Variants in AEBP2 observed in about 807,000 individuals in gnomAD.
AEBP2 encodes zinc finger protein AEBP2.
Under a neutral mutation model 50.8 loss-of-function variants are expected in AEBP2, and 10 were observed. The observed-to-expected ratio is 0.20, with a 90% confidence interval of 0.12 to 0.33. The LOEUF is 0.33. AEBP2 is among the 10% of genes least tolerant of loss of function. The pLI is 1.00. For synonymous variants in AEBP2, 296 were observed against 261.3 expected (o/e 1.13, Z -1.28); for missense variants, 570 against 688.0 (o/e 0.83, Z 1.92).
intron 3 of AEBP2, among the ~76,000 whole-genome samples, chr12:19,483,381 G>A (rs1215467132): frequency 6.6e-6 from 1 of 152,188 alleles, no homozygotes; most frequent in Non-Finnish European, 1.5e-5. Context: ...GTGGGGTTGT[G>A]TGTGTGGAGG....
At chr12:19,473,015 G>T (rs1186570230) in intron 2 of AEBP2, among the ~76,000 whole-genome samples, 2 of 152,024 alleles carry the variant, frequency 1.3e-5, no homozygotes, top group African/African-American at 2.4e-5. Context: ...CTTCTGAATG[G>T]TATTCTGTGA....
intron 1 of AEBP2, chr12:19,457,655 T>G (rs1948294365): frequency 7.3e-7 from 1 of 1,368,316 alleles, no homozygotes; most frequent in African/African-American, 1.5e-5. Flanking sequence ...CCATTTTGGC[T>G]TTTAGGGGTA....
intron 1 of AEBP2, among the ~76,000 whole-genome samples, chr12:19,417,529 C>T (rs1186010033): frequency 6.6e-6 from 1 of 151,346 alleles, no homozygotes; most frequent in Non-Finnish European, 1.5e-5. Context: ...GCCTCAGCCT[C>T]CCAGAGTAGC....
chr12:19,493,326 A>G (rs756165686), intron 3 of AEBP2, among the ~76,000 whole-genome samples: 2 of 152,102 alleles, frequency 1.3e-5, no homozygotes, highest in Non-Finnish European at 2.9e-5. Flanking sequence ...ACTTGAACCC[A>G]GGAGGCAGAG....
intron 5 of AEBP2, among the ~76,000 whole-genome samples, chr12:19,507,376 C>T (rs1057317947): frequency 1.3e-5 from 2 of 151,886 alleles, no homozygotes; most frequent in East Asian, 1.9e-4. Flanking sequence ...GGAGGAATAG[C>T]GATGGCTCCA....
intron 2 of AEBP2, among the ~76,000 whole-genome samples, chr12:19,470,038 C>T (rs1426081471): frequency 6.6e-6 from 1 of 152,072 alleles, no homozygotes; most frequent in African/African-American, 2.4e-5. Context: ...TAAAAAGTCT[C>T]AGATTTGAAG....
Position 19,462,494 on chromosome 12 carries a change from T to C in AEBP2, c.672-16T>C. 6.3e-7 allele frequency: 1 copy of C among 1,588,432 alleles called. No individual in the cohort carries two copies. Among genetic ancestry groups the C allele is most frequent in the Non-Finnish European group, 8.6e-7 (1 of 1,165,706 alleles). ...GAATTTCTAGGAATAACACAGCCTT[T>C]TTTCTTCTTTTGTAGCATAAGCAGT... On this transcript the variant is annotated splice_polypyrimidine_tract_variant and intron_variant, in intron 1 of 7. Transcript: ENST00000266508.
At chr12:19,408,817 C>T (rs897644103) in intron 1 of AEBP2, among the ~76,000 whole-genome samples, 10 of 151,886 alleles carry the variant, frequency 6.6e-5, no homozygotes, top group African/African-American at 2.4e-4. Context: ...GTAGGAGAAT[C>T]GCTTGAACCC....
intron 5 of AEBP2, among the ~76,000 whole-genome samples, chr12:19,503,135 G>A (rs1949107316): frequency 6.6e-6 from 1 of 152,054 alleles, no homozygotes; most frequent in South Asian, 2.1e-4. Context: ...AAAAAATATT[G>A]GTAGCTTGAT....
chr12:19,467,535 C>T (rs911942024), intron 2 of AEBP2, among the ~76,000 whole-genome samples: 6 of 151,900 alleles, frequency 3.9e-5, no homozygotes, highest in Admixed American at 6.6e-5. Flanking sequence ...CTCAGGTGAT[C>T]CACCCGCCTC....
intron 1 of AEBP2, chr12:19,456,522 T>C (rs1482330329): frequency 1.3e-6 from 2 of 1,522,142 alleles, no homozygotes; most frequent in Non-Finnish European, 1.8e-6. Context: ...CTCAGCAAAC[T>C]TGCATGCAGT....
intron 2 of AEBP2, among the ~76,000 whole-genome samples, chr12:19,468,053 A>G (rs1948508931): frequency 6.6e-6 from 1 of 151,942 alleles, no homozygotes; most frequent in African/African-American, 2.4e-5. Flanking sequence ...GTCTCATTAA[A>G]AAAAAGAAAA....
chr12:19,440,770 A>G, intron 1 of AEBP2: 2 of 1,533,436 alleles, frequency 1.3e-6, no homozygotes, highest in Non-Finnish European at 1.7e-6. Flanking sequence ...TGTCAGAACT[A>G]CAATTGACAA....
chr12:19,423,064 CA>C (rs751550689), intron 1 of AEBP2, among the ~76,000 whole-genome samples: 3,079 of 34,228 alleles, frequency 0.09, 1 homozygote, highest in South Asian at 0.18. Context: ...GACTCTGTCT[CA>C]AAAAAAAAAA....
At chr12:19,509,107 C>A in intron 5 of AEBP2, 2 of 557,202 alleles carry the variant, frequency 3.6e-6, no homozygotes, top group Admixed American at 2.3e-5. Flanking sequence ...ATGAGATTGT[C>A]CAAAGCAAAG....
intron 2 of AEBP2, among the ~76,000 whole-genome samples, chr12:19,466,142 G>A (rs557652139): frequency 6.6e-6 from 1 of 151,956 alleles, no homozygotes; most frequent in South Asian, 2.1e-4. Context: ...TTGTTGGTAG[G>A]AACATCAGAT....
In AEBP2 at chr12:19,440,560, ACT is replaced by A. The variant is rs1347633926; in HGVS notation, c.671+194_671+195del. 4 of 1,385,954 alleles carry A rather than the reference ACT, an allele frequency of 2.9e-6. No individual in the cohort carries two copies. In the African/African-American group the frequency reaches 4.4e-5, roughly 15 times the overall value. 85.9% of individuals were successfully genotyped at this position (1,385,954 alleles called of 1,614,324 possible). A position where few individuals can be genotyped will look rare whatever the true frequency, so the allele number is the denominator to read the frequency against. On this transcript the variant is annotated intron_variant, in intron 1 of 7. Coordinates refer to ENST00000266508, the MANE Select transcript of AEBP2 (RefSeq NM_153207.5). ...CTCTCGCAGCGCATCGCGGCTTCCA[ACT>A]CTCAAACCGTTCCCCCCCAACTCTC...
chr12:19,435,219 C>A (rs926221999), upstream of AEBP2, among the ~76,000 whole-genome samples: 1 of 151,424 alleles, frequency 6.6e-6, no homozygotes, highest in East Asian at 1.9e-4. Flanking sequence ...CTGGACCTCC[C>A]TAGGCTCAGG....
Position 19,414,938 on chromosome 12 carries a change from A to T in AEBP2, c.-17+10722A>T, listed in dbSNP as rs142841317. ...ATTCTATCTCCAAAAAAAAAAAAAC[A>T]GTTTGAGTCCAAATCCCAGAGAACC... On this transcript the variant is annotated intron_variant, in intron 1 of 3. Transcript: ENST00000538425. Among the ~76,000 whole-genome samples the T allele has an allele frequency of 9.1e-4, 137 of 150,368 alleles. 5 individuals carry two copies. Among genetic ancestry groups the T allele is most frequent in the Admixed American group, 2.2e-3 (33 of 15,078 alleles).
Sources: allele counts gnomAD v4.1 joint callset (sites outside exome capture counted in the v4.1 genomes callset), GRCh38; gene constraint gnomAD v4.1.1; transcripts MANE v1.5; gene names NCBI Gene and HGNC (gene_info 2026-07-23, HGNC 2026-07-21).